Variants in SLC44A5 observed in about 807,000 individuals in gnomAD.
SLC44A5 encodes solute carrier family 44 member 5.
SLC44A5 carries 57 observed loss-of-function variants against 101.8 expected under a neutral mutation model. The ratio of observed to expected loss-of-function variants is 0.56; its 90% CI spans 0.45 to 0.70. SLC44A5 has a LOEUF of 0.70. SLC44A5 is among the 30% of genes least tolerant of loss of function. SLC44A5 has a pLI of 0.00. For missense variants in SLC44A5, 737 were observed against 853.1 expected (o/e 0.86, Z 1.70); for synonymous variants, 281 against 290.9 (o/e 0.97, Z 0.35).
At chr1:75,326,095 CGTGTGT>C (rs58294702) in intron 4 of SLC44A5, among the ~76,000 whole-genome samples, 7,621 of 140,264 alleles carry the variant, frequency 0.054, 568 homozygotes, top group African/African-American at 0.16. Context: ...TCTCTCTCTC[CGTGTGT>C]GTGTGTGTGT....
intron 2 of SLC44A5, among the ~76,000 whole-genome samples, chr1:75,487,327 C>G (rs1482947355): frequency 6.6e-6 from 1 of 152,134 alleles, no homozygotes. Flanking sequence ...AGTGATGATA[C>G]TTGGCTGAAA....
intron 2 of SLC44A5, among the ~76,000 whole-genome samples, chr1:75,489,270 AGAG>A (rs760117531): frequency 5.9e-5 from 9 of 152,238 alleles, no homozygotes; most frequent in South Asian, 2.1e-4. Context: ...GTGTGTGAGG[AGAG>A]GAGGAGTCAG....
chr1:75,502,824 T>C (rs1669040304), intron 2 of SLC44A5, among the ~76,000 whole-genome samples: 1 of 152,018 alleles, frequency 6.6e-6, no homozygotes, highest in Admixed American at 6.6e-5. Context: ...TTTAGCATAT[T>C]TTTTGAATAA....
the SLC44A5 span, among the ~76,000 whole-genome samples, chr1:75,651,904 C>T: frequency 6.6e-5 from 10 of 152,044 alleles, no homozygotes; most frequent in African/African-American, 1.9e-4. Flanking sequence ...TTAACTATCT[C>T]TCTAAAATAA....
At chr1:75,654,749 G>A in the SLC44A5 span, among the ~76,000 whole-genome samples, 1 of 152,022 alleles carries the variant, frequency 6.6e-6, no homozygotes, top group African/African-American at 2.4e-5. Context: ...CAAAAATAAA[G>A]ACTACATCAG....
intron 2 of SLC44A5, among the ~76,000 whole-genome samples, chr1:75,537,577 A>T (rs1930320): frequency 6.6e-6 from 1 of 152,030 alleles, no homozygotes; most frequent in Non-Finnish European, 1.5e-5. Flanking sequence ...CCTATGGCCA[A>T]GGACAACAGC....
chr1:75,369,087 C>A (rs1283121583), intron 3 of SLC44A5, among the ~76,000 whole-genome samples: 1 of 151,982 alleles, frequency 6.6e-6, no homozygotes, highest in Admixed American at 6.6e-5. Flanking sequence ...ATCCATAACT[C>A]ACTGCAGCCT....
chr1:75,517,748 T>C (rs2101887620), intron 2 of SLC44A5, among the ~76,000 whole-genome samples: 1 of 152,046 alleles, frequency 6.6e-6, no homozygotes, highest in South Asian at 2.1e-4. Flanking sequence ...AAAGAAAAAA[T>C]ATTTCTTGAA....
intron 3 of SLC44A5, among the ~76,000 whole-genome samples, chr1:75,389,278 A>T (rs534470155): frequency 6.6e-6 from 1 of 152,284 alleles, no homozygotes; most frequent in South Asian, 2.1e-4. Flanking sequence ...AAGGCAGAAA[A>T]CTAACAAAGA....
chr1:75,318,564 T>C (rs570435920), intron 4 of SLC44A5, among the ~76,000 whole-genome samples: 254 of 152,306 alleles, frequency 1.7e-3, no homozygotes, highest in African/African-American at 5.6e-3. Flanking sequence ...CAGATAAAAA[T>C]GCAGTTCTAT....
intron 1 of SLC44A5, among the ~76,000 whole-genome samples, chr1:75,558,891 A>G (rs918067885): frequency 6.6e-6 from 1 of 152,124 alleles, no homozygotes; most frequent in African/African-American, 2.4e-5. Flanking sequence ...TCATAAGCTT[A>G]CTGATGAGAC....
At chr1:75,316,857 C>T (rs1214951765) in intron 4 of SLC44A5, among the ~76,000 whole-genome samples, 3 of 152,146 alleles carry the variant, frequency 2.0e-5, no homozygotes, top group Non-Finnish European at 4.4e-5. Context: ...GGGCACATGG[C>T]CACAGTAAGT....
intron 6 of SLC44A5, among the ~76,000 whole-genome samples, chr1:75,272,621 C>T (rs899029625): frequency 2.0e-5 from 3 of 152,148 alleles, no homozygotes; most frequent in Admixed American, 1.3e-4. Flanking sequence ...TGCCAGTTTT[C>T]CTAGCACCAT....
intron 2 of SLC44A5, among the ~76,000 whole-genome samples, chr1:75,520,370 C>T (rs1170101092): frequency 6.6e-6 from 1 of 152,148 alleles, no homozygotes; most frequent in Non-Finnish European, 1.5e-5. Context: ...CAATCCCAAA[C>T]TCACTTAAAC....
intron 5 of SLC44A5, among the ~76,000 whole-genome samples, chr1:75,277,667 T>G (rs1275257716): frequency 1.3e-5 from 2 of 150,624 alleles, no homozygotes; most frequent in Non-Finnish European, 1.5e-5. Flanking sequence ...AGAGAAAAGC[T>G]TCTACTTGTG....
the SLC44A5 span, among the ~76,000 whole-genome samples, chr1:75,672,636 C>T: frequency 4.6e-5 from 7 of 152,172 alleles, no homozygotes; most frequent in Non-Finnish European, 1.0e-4. Flanking sequence ...CAAAGGAGTG[C>T]TTGCATGACC....
intron 2 of SLC44A5, among the ~76,000 whole-genome samples, chr1:75,473,100 T>A (rs1004409400): frequency 2.0e-5 from 3 of 152,208 alleles, no homozygotes; most frequent in African/African-American, 7.2e-5. Flanking sequence ...CTGTACAGTT[T>A]TAGAATGTCA....
chr1:75,699,399 ACTAAG>A, the SLC44A5 span, among the ~76,000 whole-genome samples: 1 of 152,146 alleles, frequency 6.6e-6, no homozygotes, highest in Non-Finnish European at 1.5e-5. Flanking sequence ...ATCCAGCCAA[ACTAAG>A]CTTCATAAGT....
At chr1:75,700,770 A>G in the SLC44A5 span, among the ~76,000 whole-genome samples, 2 of 152,196 alleles carry the variant, frequency 1.3e-5, no homozygotes, top group Non-Finnish European at 2.9e-5. Context: ...CAAGACTAAT[A>G]AAGAAGAAAA....
Sources: gnomAD v4.1 joint callset for allele counts (sites outside exome capture counted in the v4.1 genomes callset) on GRCh38, gnomAD v4.1.1 for gene constraint, MANE v1.5 for transcripts, NCBI Gene and HGNC (gene_info 2026-07-23, HGNC 2026-07-21) for gene names.